RAB43: variants seen among roughly 807,000 people sequenced by gnomAD.
RAB43 encodes ras-related protein Rab-43.
Under a neutral mutation model 18.8 loss-of-function variants are expected in RAB43, and 6 were observed. The ratio of observed to expected loss-of-function variants is 0.32; its 90% CI spans 0.17 to 0.63. The LOEUF is 0.63. Among genes scored for constraint, RAB43 ranks in the 30% least tolerant of loss-of-function variants. RAB43 has a pLI of 0.79. For missense variants in RAB43, 195 were observed against 289.1 expected, an observed-to-expected ratio of 0.67 and a Z score of 2.36; for synonymous variants, 103 against 124.1, an observed-to-expected ratio of 0.83 and a Z score of 1.13.
At chr3:129,104,874 A>G (rs1559999606) in intron 1 of RAB43, among the ~76,000 whole-genome samples, 1 of 152,158 alleles carries the variant, frequency 6.6e-6, no homozygotes, top group Non-Finnish European at 1.5e-5. Context: ...CCTACCCTTC[A>G]GGACCCCAGT....
At chr3:129,100,049 T>A in intron 1 of RAB43, among the ~76,000 whole-genome samples, 1 of 151,036 alleles carries the variant, frequency 6.6e-6, no homozygotes, top group Non-Finnish European at 1.5e-5. Flanking sequence ...GCAGAAAAAA[T>A]ACAAAATACA....
At chr3:129,104,202 A>T (rs771319597) in intron 1 of RAB43, among the ~76,000 whole-genome samples, 4 of 152,178 alleles carry the variant, frequency 2.6e-5, no homozygotes, top group Non-Finnish European at 5.9e-5. Context: ...TTCACTGCCC[A>T]GGGGACATAA....
chr3:129,103,962 GCACA>G (rs902640117), intron 1 of RAB43, among the ~76,000 whole-genome samples: 1 of 151,564 alleles, frequency 6.6e-6, no homozygotes, highest in Non-Finnish European at 1.5e-5. Context: ...ACACACACAT[GCACA>G]CACACTTTTT....
At chr3:129,111,244 G>A (rs1329902367) in intron 1 of RAB43, among the ~76,000 whole-genome samples, 2 of 152,170 alleles carry the variant, frequency 1.3e-5, no homozygotes, top group Non-Finnish European at 2.9e-5. Context: ...GCTGGGCGCA[G>A]TGGCTCATGC....
intron 1 of RAB43, among the ~76,000 whole-genome samples, chr3:129,102,296 C>A (rs980425948): frequency 6.6e-6 from 1 of 152,134 alleles, no homozygotes; most frequent in Non-Finnish European, 1.5e-5. Flanking sequence ...CTGTTTTCCA[C>A]GGGAAGCCTG....
chr3:129,109,397 G>A (rs1306359839), intron 1 of RAB43, among the ~76,000 whole-genome samples: 7 of 147,028 alleles, frequency 4.8e-5, no homozygotes, highest in Non-Finnish European at 1.0e-4. Context: ...GCGACAGAGC[G>A]AGACTCCGTC....
chr3:129,098,175 G>A (rs1934178165), intron 1 of RAB43, among the ~76,000 whole-genome samples: 1 of 152,174 alleles, frequency 6.6e-6, no homozygotes, highest in African/African-American at 2.4e-5. Flanking sequence ...CCTCATTAGT[G>A]TCTCATTAGC....
Position 129,091,051 on chromosome 3 carries a change from G to A in RAB43, c.*45C>T, listed in dbSNP as rs371806513. ...AGGGCTGGGCTTGGCAGGCTGGGGA[G>A]AGCAAGGAGGTGGGGAACCCCCAGT... On this transcript the variant is annotated 3_prime_UTR_variant, in exon 3 of 3. Coordinates refer to ENST00000315150, the MANE Select transcript of RAB43 (RefSeq NM_198490.3). 7.3e-4 allele frequency: 1,177 copies of A among 1,602,408 alleles called. 13 individuals are homozygous for A. The African/African-American group carries it at 0.014, about 19-fold the overall frequency.
chr3:129,103,295 A>T lies in RAB43; in HGVS notation c.205-8126T>A, dbSNP rs1934550350. On this transcript the variant is annotated intron_variant, in intron 1 of 2. Coordinates refer to ENST00000315150, the MANE Select transcript of RAB43 (RefSeq NM_198490.3). ...ACTCCAGCCTCTTACCAGGGTCTAC[A>T]CAAACGGCCTCAGGCCTGTCTCCAC... Among the ~76,000 whole-genome samples the T allele has an allele frequency of 2.0e-5, 3 of 152,286 alleles. No individual in the cohort carries two copies. In the South Asian group the frequency reaches 6.2e-4, roughly 32 times the overall value.
At position 129,090,370 on chromosome 3, in the gene RAB43, TG is replaced by T; in HGVS notation, c.*725del. On this transcript the variant is annotated 3_prime_UTR_variant, in exon 3 of 3. Coordinates refer to ENST00000315150, the MANE Select transcript of RAB43 (RefSeq NM_198490.3). Reference sequence around the variant, plus strand: ...GGATTAGCTAATTTTGCAACCTGAGTGGCAAAACACTGGGCCCTGAGCCAGC... The same window carrying T: ...GGATTAGCTAATTTTGCAACCTGAGTGCAAAACACTGGGCCCTGAGCCAGC... 7.1e-6 allele frequency: 1 copy of T among 140,622 alleles called. No individual in the cohort carries two copies. The highest frequency in any genetic ancestry group is 1.5e-5 in the Non-Finnish European group (1 of 64,932). The allele number at this position is 140,622 out of a possible 1,614,324, so 8.7% of individuals were successfully genotyped here. A position where few individuals can be genotyped will look rare whatever the true frequency, so the allele number is the denominator to read the frequency against.
At chr3:129,114,257 A>G (rs1372849608) in intron 1 of RAB43, among the ~76,000 whole-genome samples, 1 of 152,238 alleles carries the variant, frequency 6.6e-6, no homozygotes, top group African/African-American at 2.4e-5. Context: ...ATCAATGTGT[A>G]AAATGCAAGC....
intron 1 of RAB43, among the ~76,000 whole-genome samples, chr3:129,117,320 G>A (rs1935608625): frequency 2.6e-5 from 4 of 152,138 alleles, no homozygotes; most frequent in Non-Finnish European, 5.9e-5. Flanking sequence ...GAAGCCTGAG[G>A]CTCCAAGGAG....
At chr3:129,097,597 T>A (rs1376172922) in intron 1 of RAB43, among the ~76,000 whole-genome samples, 1 of 150,140 alleles carries the variant, frequency 6.7e-6, no homozygotes, top group Non-Finnish European at 1.5e-5. Context: ...AAACAGAGAG[T>A]TCAACTGAAA....
chr3:129,110,613 C>T (rs567803442), intron 1 of RAB43, among the ~76,000 whole-genome samples: 2 of 152,132 alleles, frequency 1.3e-5, no homozygotes, highest in South Asian at 2.1e-4. Context: ...CTGAGGCGGG[C>T]GGATCACGAG....
At chr3:129,104,545 C>G (rs538419075) in intron 1 of RAB43, among the ~76,000 whole-genome samples, 16 of 152,290 alleles carry the variant, frequency 1.1e-4, no homozygotes, top group Admixed American at 2.6e-4. Flanking sequence ...CAGCACTCCC[C>G]CTCCTCTCCC....
chr3:129,094,852 G>T (rs1933932699), intron 2 of RAB43, 134 bp downstream of exon 2: 1 of 1,260,634 alleles, frequency 7.9e-7, no homozygotes. Context: ...GCAGGATCAG[G>T]ATTTGCAAAA....
chr3:129,094,739 G>A (rs1271088788), intron 2 of RAB43, among the ~76,000 whole-genome samples: 1 of 151,112 alleles, frequency 6.6e-6, no homozygotes, highest in African/African-American at 2.4e-5. Context: ...GGATGATCTC[G>A]ATCTCCTGAC....
In RAB43 at chr3:129,121,595, C is replaced by T; in HGVS notation, c.-106G>A. The T allele has an allele frequency of 1.1e-6, 1 of 916,180 alleles. No homozygotes were observed. The highest frequency in any genetic ancestry group is 1.6e-6 in the Non-Finnish European group (1 of 637,260). The allele number at this position is 916,180 out of a possible 1,614,324, so 56.8% of individuals were successfully genotyped here. A position where few individuals can be genotyped will look rare whatever the true frequency, so the allele number is the denominator to read the frequency against. Reference sequence around the variant, plus strand: ...CCGCTCCAGCCCACGGGCCGCCTGGCTACGTGGAGCCGCCGCAACACCTGA... The same window carrying T: ...CCGCTCCAGCCCACGGGCCGCCTGGTTACGTGGAGCCGCCGCAACACCTGA... On this transcript the variant is annotated 5_prime_UTR_variant, in exon 1 of 3. Coordinates refer to ENST00000315150, the MANE Select transcript of RAB43 (RefSeq NM_198490.3).
chr3:129,121,744 C>T lies in RAB43; in HGVS notation c.-255G>A, dbSNP rs1478539815. On this transcript the variant is annotated 5_prime_UTR_variant, in exon 1 of 3. Coordinates refer to ENST00000315150, the MANE Select transcript of RAB43 (RefSeq NM_198490.3). ...CCGCGGGTTCGGCTCCCCCCCGGAC[C>T]CGCCAAGCCGGGCCCTCCGCAAAGC... 3.1e-5 allele frequency: 8 copies of T among 257,970 alleles called. No homozygotes were observed. In the Admixed American group the frequency reaches 3.9e-4, roughly 12 times the overall value. 16.0% of individuals were successfully genotyped at this position (257,970 alleles called of 1,614,324 possible). A position where few individuals can be genotyped will look rare whatever the true frequency, so the allele number is the denominator to read the frequency against.
Sources: gnomAD v4.1 joint callset for allele counts (sites outside exome capture counted in the v4.1 genomes callset) on GRCh38, gnomAD v4.1.1 for gene constraint, MANE v1.5 for transcripts, NCBI Gene and HGNC (gene_info 2026-07-23, HGNC 2026-07-21) for gene names.